DLGAP1: variants seen among roughly 807,000 people sequenced by gnomAD.
DLGAP1 encodes the protein DLG associated protein 1.
A neutral mutation model predicts 90.8 loss-of-function variants in DLGAP1; 11 were observed. The observed-to-expected ratio is 0.12, with a 90% CI of 0.08 to 0.20. The LOEUF (loss-of-function observed/expected upper bound fraction) is 0.20. Ranked by LOEUF, DLGAP1 falls within the 10% of genes least tolerant of loss-of-function variation. The pLI is 1.00. For missense variants in DLGAP1, 1,050 were observed against 1,333.8 expected (o/e 0.79, Z 3.31); for synonymous variants, 558 against 540.7 (o/e 1.03, Z -0.44).
intron 2 of DLGAP1, among the ~76,000 whole-genome samples, chr18:4,054,704 T>A (rs939390443): frequency 3.3e-5 from 5 of 152,230 alleles, no homozygotes; most frequent in Non-Finnish European, 7.3e-5. Flanking sequence ...CAGGTGCTAA[T>A]CTAAATTGAG....
chr18:3,788,698 T>C (rs1354413882), intron 5 of DLGAP1, among the ~76,000 whole-genome samples: 1 of 152,144 alleles, frequency 6.6e-6, no homozygotes, highest in Non-Finnish European at 1.5e-5. Flanking sequence ...GGCAATCCTA[T>C]CACTATCATT....
intron 4 of DLGAP1, among the ~76,000 whole-genome samples, chr18:3,840,723 A>C (rs2068667540): frequency 6.6e-6 from 1 of 152,220 alleles, no homozygotes; most frequent in Non-Finnish European, 1.5e-5. Context: ...TGTGCCAGGC[A>C]TTATTTTATG....
At position 4,125,785 on chromosome 18, in the gene DLGAP1, A is replaced by AC. The variant is rs1321175457; in HGVS notation, c.-159+25394dup. On this transcript the variant is annotated intron_variant, in intron 2 of 12. Transcript: ENST00000315677. ...AAGCAGTGAAACTAGATACACCTGG[A>AC]CCTGTTTCTTGGCCAGAGATTTACT... Among the ~76,000 whole-genome samples the AC allele has an allele frequency of 5.9e-5, 9 of 152,180 alleles. 1 individual carries two copies. Among genetic ancestry groups the AC allele is most frequent in the African/African-American group, 2.2e-4 (9 of 41,456 alleles).
chr18:3,529,470 T>C (rs2051853959), intron 10 of DLGAP1, among the ~76,000 whole-genome samples: 1 of 152,096 alleles, frequency 6.6e-6, no homozygotes, highest in Non-Finnish European at 1.5e-5. Flanking sequence ...TTATTGAAGT[T>C]TTTTTTTAGC....
intron 5 of DLGAP1, chr18:3,771,525 G>A (rs1053401525): frequency 6.6e-6 from 1 of 152,494 alleles, no homozygotes; most frequent in East Asian, 1.9e-4. Flanking sequence ...GGTCGAGGCT[G>A]AGGACTGCGC....
At chr18:3,687,313 T>C (rs1007377673) in intron 7 of DLGAP1, among the ~76,000 whole-genome samples, 1 of 152,348 alleles carries the variant, frequency 6.6e-6, no homozygotes, top group South Asian at 2.1e-4. Context: ...AGCCTGTGGG[T>C]GCCCAGGTAG....
chr18:3,657,714 T>A (rs964080491), intron 7 of DLGAP1, among the ~76,000 whole-genome samples: 3 of 151,726 alleles, frequency 2.0e-5, no homozygotes, highest in East Asian at 2.0e-4. Context: ...GCCATTCTCC[T>A]GCCTCAGCCT....
rs1357640613 is a variant in DLGAP1, at chr18:3,978,041, T to A, written c.-73+27075A>T. The A allele has an allele frequency of 2.1e-5, 8 of 380,876 alleles. No individual in the cohort carries two copies. In the East Asian group the frequency reaches 6.5e-4, roughly 31 times the overall value. 23.6% of individuals were successfully genotyped at this position (380,876 alleles called of 1,614,324 possible). ...GATGTTCTGGAGAGCCCCGTGGCTG[T>A]CATGCCAGTTTCTTGGAGGGGCCAT... On this transcript the variant is annotated intron_variant, in intron 3 of 12. Coordinates refer to ENST00000315677, the MANE Select transcript of DLGAP1 (RefSeq NM_004746.4).
intron 1 of DLGAP1, among the ~76,000 whole-genome samples, chr18:4,240,664 A>G (rs1015163268): frequency 3.9e-5 from 6 of 152,256 alleles, no homozygotes; most frequent in Non-Finnish European, 7.3e-5. Context: ...CATAATTCAC[A>G]TAATCAGAGC....
chr18:3,918,754 G>T (rs1295040611), intron 3 of DLGAP1, among the ~76,000 whole-genome samples: 1 of 152,226 alleles, frequency 6.6e-6, no homozygotes, highest in East Asian at 1.9e-4. Context: ...AGTTGAATGT[G>T]ACGATAGACC....
At chr18:3,838,399 G>C (rs764441126) in intron 4 of DLGAP1, among the ~76,000 whole-genome samples, 3 of 152,148 alleles carry the variant, frequency 2.0e-5, no homozygotes, top group Non-Finnish European at 4.4e-5. Context: ...ACTGGGCATG[G>C]TTGCTACACA....
intron 9 of DLGAP1, among the ~76,000 whole-genome samples, chr18:3,550,637 G>T (rs932532355): frequency 8.6e-5 from 13 of 151,260 alleles, no homozygotes; most frequent in African/African-American, 3.2e-4. Flanking sequence ...GAGGAGAGAC[G>T]ACATGAAGAC....
intron 1 of DLGAP1, among the ~76,000 whole-genome samples, chr18:4,235,968 C>T (rs763214039): frequency 6.6e-5 from 10 of 151,954 alleles, no homozygotes; most frequent in Non-Finnish European, 1.0e-4. Context: ...TCAGGTGATC[C>T]GCCTGCCTTA....
rs148540553 is a variant in DLGAP1, at chr18:3,851,165, ATC to A, written c.957+27945_957+27946del. 9.3e-3 allele frequency among the ~76,000 whole-genome samples: 1,418 copies of A among 152,296 alleles called. 59 individuals are homozygous for A. Among genetic ancestry groups the A allele is most frequent in the East Asian group, 0.066 (341 of 5,184 alleles). On this transcript the variant is annotated intron_variant, in intron 4 of 12. Coordinates refer to ENST00000315677, the MANE Select transcript of DLGAP1 (RefSeq NM_004746.4). Reference sequence around the variant, plus strand: ...GTTCTAGATATAGCAGAACTCAGAAATCTCTGTTGAATATCCACTCCCCAAAA... The same window carrying A: ...GTTCTAGATATAGCAGAACTCAGAAATCTGTTGAATATCCACTCCCCAAAA...
At chr18:4,359,479 C>T (rs34929629) in intron 1 of DLGAP1, among the ~76,000 whole-genome samples, 15,419 of 152,240 alleles carry the variant, frequency 0.1, 819 homozygotes, top group African/African-American at 0.14. Flanking sequence ...CACAACGATA[C>T]ACCTCTTCAT....
At chr18:3,616,199 C>G (rs562674973) in intron 7 of DLGAP1, among the ~76,000 whole-genome samples, 1 of 152,320 alleles carries the variant, frequency 6.6e-6, no homozygotes, top group African/African-American at 2.4e-5. Flanking sequence ...CCAAAAGTGG[C>G]TGCAACAATA....
chr18:3,518,845 A>G (rs974314887), intron 10 of DLGAP1, among the ~76,000 whole-genome samples: 3 of 152,238 alleles, frequency 2.0e-5, no homozygotes, highest in Middle Eastern at 3.2e-3. Flanking sequence ...TATCCAAAAA[A>G]GGACATGATT....
At chr18:4,172,737 A>G (rs1416401798) in intron 1 of DLGAP1, among the ~76,000 whole-genome samples, 1 of 152,248 alleles carries the variant, frequency 6.6e-6, no homozygotes, top group Non-Finnish European at 1.5e-5. Context: ...TTCAACCCAG[A>G]AAAATTAGAA....
At chr18:3,626,860 C>T (rs2058316490) in intron 7 of DLGAP1, among the ~76,000 whole-genome samples, 1 of 151,490 alleles carries the variant, frequency 6.6e-6, no homozygotes, top group Admixed American at 6.6e-5. Flanking sequence ...GATCACGCCA[C>T]TGCACTCCAG....
Sources: allele counts gnomAD v4.1 joint callset (sites outside exome capture counted in the v4.1 genomes callset), GRCh38; gene constraint gnomAD v4.1.1; transcripts MANE v1.5; gene names NCBI Gene and HGNC (gene_info 2026-07-23, HGNC 2026-07-21).